RSPH9: variants seen among roughly 807,000 people sequenced by gnomAD.
RSPH9 encodes radial spoke head protein 9 homolog.
A neutral mutation model predicts 27.0 loss-of-function variants in RSPH9; 27 were observed. The observed-to-expected ratio is 1.00, with a 90% CI of 0.74 to 1.38. RSPH9 has a LOEUF of 1.38. RSPH9 is among the 40% of genes most tolerant of loss of function. The pLI is 0.00. For synonymous variants in RSPH9, 145 were observed against 147.7 expected (o/e 0.98, Z 0.13); for missense variants, 347 against 357.4 (o/e 0.97, Z 0.24).
chr6:43,669,644 CTGGCAGGGCCTGGAGCAGGGCTG>C, intron 4 of RSPH9, among the ~76,000 whole-genome samples: 1 of 152,390 alleles, frequency 6.6e-6, no homozygotes, highest in South Asian at 2.1e-4. Context: ...ATTTGCCTTT[CTGGCAGGGCCTGGAGCAGGGCTG>C]TGGCTGGGCC....
chr6:43,668,840 A>C (rs754746981), intron 4 of RSPH9, among the ~76,000 whole-genome samples: 6 of 152,126 alleles, frequency 3.9e-5, no homozygotes, highest in Non-Finnish European at 8.8e-5. Flanking sequence ...GTCTTTATGG[A>C]GCCTGGTCCC....
At chr6:43,649,576 G>C (rs1243398716) in intron 1 of RSPH9, among the ~76,000 whole-genome samples, 3 of 151,534 alleles carry the variant, frequency 2.0e-5, no homozygotes, top group Non-Finnish European at 1.5e-5. Flanking sequence ...GTATATTTGA[G>C]AGGAGTGGGA....
At chr6:43,655,839 T>C (rs1263702201) in intron 3 of RSPH9, 148 bp downstream of exon 3, 8 of 961,038 alleles carry the variant, frequency 8.3e-6, no homozygotes, top group Non-Finnish European at 1.3e-5. Context: ...GTGTGCCCAG[T>C]GACCTGGCAC....
At chr6:43,669,600 T>C (rs1438525344) in intron 4 of RSPH9, among the ~76,000 whole-genome samples, 3 of 152,254 alleles carry the variant, frequency 2.0e-5, no homozygotes, top group Non-Finnish European at 4.4e-5. Context: ...TCTCAGCGCA[T>C]GGCTGGCTGG....
chr6:43,659,201 C>T (rs1027528344), intron 4 of RSPH9, among the ~76,000 whole-genome samples: 7 of 151,750 alleles, frequency 4.6e-5, no homozygotes, highest in African/African-American at 9.7e-5. Flanking sequence ...CCACCACATC[C>T]GCAGTTACTT....
At position 43,671,847 on chromosome 6, in the gene RSPH9, C is replaced by T. The variant is rs1561948118; in HGVS notation, c.*898C>T. On this transcript the variant is annotated 3_prime_UTR_variant, in exon 5 of 5. Transcript: ENST00000372163. ...CCCCACGGGCATGCGCACCCTGTTC[C>T]AGCGGGGGCCTTTTTTGTAGATGGG... The T allele has an allele frequency of 5.6e-6, 9 of 1,614,102 alleles. No individual in the cohort carries two copies. The highest frequency in any genetic ancestry group is 7.6e-6 in the Non-Finnish European group (9 of 1,179,996).
At chr6:43,662,098 C>A (rs1772688960) in intron 4 of RSPH9, among the ~76,000 whole-genome samples, 1 of 151,790 alleles carries the variant, frequency 6.6e-6, no homozygotes, top group African/African-American at 2.4e-5. Context: ...CAGGCTGGCC[C>A]CAACCCCTGG....
chr6:43,659,343 T>G (rs13203710), intron 4 of RSPH9, among the ~76,000 whole-genome samples: 1 of 151,406 alleles, frequency 6.6e-6, no homozygotes, highest in African/African-American at 2.4e-5. Context: ...CTGCCTCAGC[T>G]TACTGAATAG....
intron 1 of RSPH9, among the ~76,000 whole-genome samples, chr6:43,647,901 G>A (rs1771047260): frequency 6.6e-6 from 1 of 152,172 alleles, no homozygotes; most frequent in African/African-American, 2.4e-5. Context: ...AGGGGGCAGG[G>A]AACGGAAGAT....
intron 4 of RSPH9, among the ~76,000 whole-genome samples, chr6:43,658,291 CAAAAAAA>C (rs58592648): frequency 4.0e-5 from 1 of 24,864 alleles, no homozygotes; most frequent in African/African-American, 1.7e-4. Flanking sequence ...AACTCCGTCT[CAAAAAAA>C]AAAAAAAAAA....
chr6:43,664,270 G>A (rs542061677), intron 4 of RSPH9, among the ~76,000 whole-genome samples: 44 of 152,178 alleles, frequency 2.9e-4, no homozygotes, highest in Admixed American at 1.7e-3. Context: ...GGAGTTTCTC[G>A]CCCAGGCTGG....
intron 2 of RSPH9, among the ~76,000 whole-genome samples, chr6:43,650,941 T>C (rs1197094005): frequency 6.7e-6 from 1 of 148,526 alleles, no homozygotes. Flanking sequence ...AAAGAAATTA[T>C]GGCAACAAGT....
intron 4 of RSPH9, among the ~76,000 whole-genome samples, chr6:43,670,024 C>T (rs372775484): frequency 3.2e-4 from 49 of 152,366 alleles, no homozygotes; most frequent in Admixed American, 1.0e-3. Context: ...CTGGTCTGGT[C>T]TAATCCAACT....
chr6:43,667,368 C>T (rs1316440074), intron 4 of RSPH9, among the ~76,000 whole-genome samples: 1 of 152,228 alleles, frequency 6.6e-6, no homozygotes, highest in African/African-American at 2.4e-5. Flanking sequence ...GGGGCTCCTT[C>T]CCAAGCAATT....
rs572044279 is a variant in RSPH9 at position 43,672,360 on chromosome 6, G to A, written c.*1411G>A. ...GGAACTCCCCAGGGTACTATAACTGGTATAAGACCCCTGCCCCTCACCCAA... is the reference window on the plus strand; with the variant it reads ...GGAACTCCCCAGGGTACTATAACTGATATAAGACCCCTGCCCCTCACCCAA... On this transcript the variant is annotated 3_prime_UTR_variant, in exon 5 of 5. Transcript: ENST00000372163. 5.5e-3 allele frequency: 2,609 copies of A among 472,292 alleles called. 90 individuals are homozygous for A. The highest frequency in any genetic ancestry group is 0.039 in the South Asian group (2,543 of 64,578). 29.3% of individuals were successfully genotyped at this position (472,292 alleles called of 1,614,324 possible). A position where few individuals can be genotyped will look rare whatever the true frequency, so the allele number is the denominator to read the frequency against.
chr6:43,671,627 C>T lies in RSPH9; in HGVS notation c.*678C>T. On this transcript the variant is annotated 3_prime_UTR_variant, in exon 5 of 5. Coordinates refer to ENST00000372163, the MANE Select transcript of RSPH9 (RefSeq NM_152732.5). ...GTACTGAAGTTAGTCCCACTGTCCC[C>T]TGTCCATGCATGTTGGAGGGACCAG... 2 of 1,021,338 alleles carry T rather than the reference C, an allele frequency of 2.0e-6. 1 individual carries two copies. Among genetic ancestry groups the T allele is most frequent in the South Asian group, 2.9e-5 (2 of 68,778 alleles). 63.3% of individuals were successfully genotyped at this position (1,021,338 alleles called of 1,614,324 possible).
chr6:43,671,873 C>A lies in RSPH9; in HGVS notation c.*924C>A. 1 of 1,613,436 alleles carries A rather than the reference C, an allele frequency of 6.2e-7. No individual in the cohort carries two copies. The highest frequency in any genetic ancestry group is 8.5e-7 in the Non-Finnish European group (1 of 1,179,652). ...AGCGGGGGCCTTTTTTGTAGATGGGCTTGACGGAGCCAGGAGCCCAGCGCG... is the reference window on the plus strand; with the variant it reads ...AGCGGGGGCCTTTTTTGTAGATGGGATTGACGGAGCCAGGAGCCCAGCGCG... On this transcript the variant is annotated 3_prime_UTR_variant, in exon 5 of 5. Coordinates refer to ENST00000372163, the MANE Select transcript of RSPH9 (RefSeq NM_152732.5).
chr6:43,670,688 C>A, intron 4 of RSPH9, 101 bp from the exon 5 acceptor site: 1 of 947,918 alleles, frequency 1.1e-6, no homozygotes, highest in Non-Finnish European at 1.7e-6. Flanking sequence ...GGAACCATAG[C>A]ACCTGGGCCT....
chr6:43,666,721 T>C (rs1307863307), intron 4 of RSPH9, among the ~76,000 whole-genome samples: 1 of 152,148 alleles, frequency 6.6e-6, no homozygotes, highest in Non-Finnish European at 1.5e-5. Context: ...CTAAGAGTTC[T>C]CTGACCTTGG....
Sources: gnomAD v4.1 joint callset for allele counts (sites outside exome capture counted in the v4.1 genomes callset) on GRCh38, gnomAD v4.1.1 for gene constraint, MANE v1.5 for transcripts, NCBI Gene and HGNC (gene_info 2026-07-23, HGNC 2026-07-21) for gene names.